The following CSMD1 variants were observed in gnomAD, a reference collection of about 807,000 sequenced individuals.
CSMD1 encodes CUB and Sushi multiple domains 1.
CSMD1 carries 213 observed loss-of-function variants against 417.5 expected under a neutral mutation model. The ratio of observed to expected loss-of-function variants is 0.51; its 90% CI spans 0.46 to 0.57. The LOEUF (loss-of-function observed/expected upper bound fraction) is 0.57. Among genes scored for constraint, CSMD1 ranks in the 20% least tolerant of loss-of-function variants. CSMD1 has a pLI of 0.00. For synonymous variants in CSMD1, 2,862 were observed against 1,736.8 expected, an observed-to-expected ratio of 1.65 and a Z score of -16.11; for missense variants, 6,923 against 4,529.7, an observed-to-expected ratio of 1.53 and a Z score of -15.17.
At chr8:3,381,395 C>A (rs62503515) in intron 18 of CSMD1, among the ~76,000 whole-genome samples, 16,368 of 152,158 alleles carry the variant, frequency 0.11, 965 homozygotes, top group Middle Eastern at 0.14. Context: ...TATGTGTTTG[C>A]ATGGCACATA....
At position 3,578,691 on chromosome 8, in the gene CSMD1, T is replaced by C. The variant is rs141395567; in HGVS notation, c.1223-3625A>G. Among the ~76,000 whole-genome samples the C allele has an allele frequency of 3.3e-4, 50 of 152,270 alleles. No homozygotes were observed. In the East Asian group the frequency reaches 7.9e-3, roughly 24 times the overall value. ...TTTTTCACTTCATGCAAAGAACCGA[T>C]TGGGCAGCTCCTCACACAGGAGACA... On this transcript the variant is annotated intron_variant, in intron 9 of 69. Coordinates refer to ENST00000635120, the MANE Select transcript of CSMD1 (RefSeq NM_033225.6).
At chr8:4,646,515 G>C (rs894734417) in intron 1 of CSMD1, among the ~76,000 whole-genome samples, 2 of 152,132 alleles carry the variant, frequency 1.3e-5, no homozygotes, top group African/African-American at 2.4e-5. Context: ...CTATAGGATG[G>C]ATTCAGCATT....
chr8:3,520,242 T>A (rs1797452071), intron 10 of CSMD1, among the ~76,000 whole-genome samples: 1 of 152,004 alleles, frequency 6.6e-6, no homozygotes, highest in Non-Finnish European at 1.5e-5. Context: ...TGATTATAGG[T>A]TGGCCAGAGA....
intron 1 of CSMD1, among the ~76,000 whole-genome samples, chr8:4,688,796 T>C (rs543447827): frequency 6.6e-6 from 1 of 152,316 alleles, no homozygotes; most frequent in Admixed American, 6.5e-5. Flanking sequence ...CCGTGCTTTG[T>C]GAGAACAGCT....
chr8:3,910,002 A>C (rs930527193), intron 5 of CSMD1, among the ~76,000 whole-genome samples: 11 of 148,356 alleles, frequency 7.4e-5, no homozygotes, highest in Non-Finnish European at 1.2e-4. Flanking sequence ...TCCTCCATTT[A>C]TTTATAAATA....
intron 3 of CSMD1, among the ~76,000 whole-genome samples, chr8:4,363,322 A>C (rs1020366791): frequency 6.6e-6 from 1 of 152,148 alleles, no homozygotes; most frequent in African/African-American, 2.4e-5. Flanking sequence ...TCTATACTAC[A>C]GGTACCCTGC....
chr8:3,156,585 G>A (rs547268125), intron 39 of CSMD1, among the ~76,000 whole-genome samples: 2 of 152,172 alleles, frequency 1.3e-5, no homozygotes, highest in Non-Finnish European at 2.9e-5. Flanking sequence ...AGAGAGCATT[G>A]AGGAGGGGAC....
intron 1 of CSMD1, among the ~76,000 whole-genome samples, chr8:4,797,568 T>C (rs1421508939): frequency 6.6e-6 from 1 of 152,062 alleles, no homozygotes; most frequent in African/African-American, 2.4e-5. Context: ...ATAAGTACAA[T>C]ATAAAAGTAC....
intron 28 of CSMD1, among the ~76,000 whole-genome samples, chr8:3,223,263 C>A (rs1798316590): frequency 6.6e-6 from 1 of 152,080 alleles, no homozygotes; most frequent in South Asian, 2.1e-4. Flanking sequence ...TTTACAGCAA[C>A]CACATTTGGG....
intron 52 of CSMD1, among the ~76,000 whole-genome samples, chr8:3,005,990 T>C (rs1263435174): frequency 6.6e-6 from 1 of 152,192 alleles, no homozygotes; most frequent in Admixed American, 6.5e-5. Context: ...TTGCCCCTGT[T>C]GGCAGACGAC....
chr8:4,416,444 G>C (rs1030920928), intron 3 of CSMD1, among the ~76,000 whole-genome samples: 2 of 151,964 alleles, frequency 1.3e-5, no homozygotes, highest in South Asian at 2.1e-4. Context: ...GAAAACATTT[G>C]AAATTATATT....
intron 12 of CSMD1, among the ~76,000 whole-genome samples, chr8:3,418,597 A>G (rs1267475403): frequency 1.3e-5 from 2 of 152,320 alleles, no homozygotes; most frequent in South Asian, 2.1e-4. Context: ...CAGATCCAAC[A>G]ATGTCCTGTG....
chr8:4,613,860 C>CAAAAAAAAAAA (rs60679775), intron 2 of CSMD1, among the ~76,000 whole-genome samples: 1 of 123,660 alleles, frequency 8.1e-6, no homozygotes, highest in Non-Finnish European at 1.8e-5. Context: ...TGTCTAATGC[C>CAAAAAAAAAAA]AAAAAAAAAA....
chr8:3,567,948 G>A (rs1230460350), intron 10 of CSMD1, among the ~76,000 whole-genome samples: 2 of 152,132 alleles, frequency 1.3e-5, no homozygotes, highest in Non-Finnish European at 2.9e-5. Context: ...GCCGGAGATG[G>A]AAACCCACCA....
At position 4,338,462 on chromosome 8, in the gene CSMD1, C is replaced by G. The variant is rs535292649; in HGVS notation, c.415+81491G>C. ...CAAACAAGAAACCTGGACGTTTACA[C>G]CTGGTTAGGTTCATGGCAAATCTAC... On this transcript the variant is annotated intron_variant, in intron 3 of 69. Transcript: ENST00000635120. 5.2e-4 allele frequency among the ~76,000 whole-genome samples: 79 copies of G among 152,202 alleles called. No individual in the cohort carries two copies. The South Asian group carries it at 5.8e-3, about 11-fold the overall frequency.
At chr8:4,130,379 T>C (rs547367003) in intron 3 of CSMD1, among the ~76,000 whole-genome samples, 4 of 152,266 alleles carry the variant, frequency 2.6e-5, no homozygotes, top group East Asian at 3.9e-4. Flanking sequence ...CCTAATTCCT[T>C]GTAAAATATA....
chr8:3,529,607 C>A (rs139962642), intron 10 of CSMD1, among the ~76,000 whole-genome samples: 1 of 152,156 alleles, frequency 6.6e-6, no homozygotes, highest in South Asian at 2.1e-4. Flanking sequence ...CATCTTCTGA[C>A]GCCTAGTTCG....
At chr8:4,158,220 T>A (rs767262550) in intron 3 of CSMD1, among the ~76,000 whole-genome samples, 3 of 151,938 alleles carry the variant, frequency 2.0e-5, no homozygotes, top group Admixed American at 2.0e-4. Flanking sequence ...TTTGGCACCA[T>A]TGATGCTAGG....
chr8:4,101,066 G>C (rs1240226708), intron 3 of CSMD1, among the ~76,000 whole-genome samples: 2 of 152,154 alleles, frequency 1.3e-5, no homozygotes, highest in African/African-American at 4.8e-5. Flanking sequence ...TGCCAGAGAC[G>C]AGACGGCGCT....
Sources: gnomAD v4.1 joint callset for allele counts (sites outside exome capture counted in the v4.1 genomes callset) on GRCh38, gnomAD v4.1.1 for gene constraint, MANE v1.5 for transcripts, NCBI Gene and HGNC (gene_info 2026-07-23, HGNC 2026-07-21) for gene names.